The following SCGN variants were observed in gnomAD, a reference collection of about 807,000 sequenced individuals.
The protein encoded by SCGN is secretagogin.
SCGN carries 30 observed loss-of-function variants against 39.7 expected under a neutral mutation model. The observed-to-expected ratio is 0.76, with a 90% CI of 0.57 to 1.03. The LOEUF (loss-of-function observed/expected upper bound fraction) is 1.03. SCGN is among the 50% of genes least tolerant of loss of function. The pLI is 0.00. For synonymous variants in SCGN, 106 were observed against 114.1 expected (o/e 0.93, Z 0.45); for missense variants, 353 against 349.4 (o/e 1.01, Z -0.08).
In SCGN at chr6:25,689,541, G is replaced by T; in HGVS notation, c.633+9G>T. 6.2e-7 allele frequency: 1 copy of T among 1,612,322 alleles called. No individual in the cohort carries two copies. The highest frequency in any genetic ancestry group is 8.5e-7 in the Non-Finnish European group (1 of 1,178,434). On this transcript the variant is annotated intron_variant, in intron 9 of 10. Transcript: ENST00000377961. ...TTGCCTACTATGATGTTGTAAGTGT[G>T]CGTCTTTATACTGTGCTGGCCATCT...
intron 2 of SCGN, 96 bp from the exon 3 acceptor site, chr6:25,661,456 C>A: frequency 2.3e-6 from 2 of 854,518 alleles, no homozygotes; most frequent in Non-Finnish European, 3.8e-6. Flanking sequence ...GTTTGAAAAA[C>A]ATAATTTTCA....
chr6:25,657,211 A>C (rs1276944097), intron 2 of SCGN, among the ~76,000 whole-genome samples: 1 of 152,174 alleles, frequency 6.6e-6, no homozygotes, highest in Non-Finnish European at 1.5e-5. Context: ...TTCACCTTCC[A>C]CAGAGAATAA....
At chr6:25,675,489 T>C (rs970305565) in intron 6 of SCGN, among the ~76,000 whole-genome samples, 2 of 152,248 alleles carry the variant, frequency 1.3e-5, no homozygotes, top group South Asian at 4.1e-4. Flanking sequence ...CCCACTCCCT[T>C]TTGTAAAGTG....
At chr6:25,694,844 C>A (rs1759819589) in intron 10 of SCGN, among the ~76,000 whole-genome samples, 2 of 152,110 alleles carry the variant, frequency 1.3e-5, no homozygotes. Context: ...GCTTTATAAA[C>A]AGAGTCTTTC....
intron 2 of SCGN, among the ~76,000 whole-genome samples, chr6:25,660,174 C>A (rs939033054): frequency 6.6e-6 from 1 of 152,186 alleles, no homozygotes; most frequent in Non-Finnish European, 1.5e-5. Context: ...GCTTAGTGCC[C>A]ATCCTCTGGC....
chr6:25,694,711 A>C (rs1759817626), intron 10 of SCGN, among the ~76,000 whole-genome samples: 2 of 152,380 alleles, frequency 1.3e-5, no homozygotes, highest in South Asian at 4.1e-4. Flanking sequence ...GCATACGTTT[A>C]CTGTGCCTTT....
intron 9 of SCGN, 52 bp from the exon 10 acceptor site, chr6:25,691,004 C>T: frequency 3.5e-6 from 5 of 1,438,112 alleles, no homozygotes; most frequent in Non-Finnish European, 4.9e-6. Flanking sequence ...TATTGCCTTG[C>T]TTTTTGGCTT....
chr6:25,663,450 G>A (rs1760374629), intron 3 of SCGN, among the ~76,000 whole-genome samples: 1 of 152,122 alleles, frequency 6.6e-6, no homozygotes, highest in Non-Finnish European at 1.5e-5. Context: ...TACCAACATG[G>A]CAGTTATCAT....
intron 6 of SCGN, among the ~76,000 whole-genome samples, chr6:25,678,032 C>T (rs1287369528): frequency 1.3e-5 from 2 of 152,196 alleles, no homozygotes; most frequent in African/African-American, 4.8e-5. Flanking sequence ...TTCTGAAAAA[C>T]TCCAAAGTCC....
intron 10 of SCGN, among the ~76,000 whole-genome samples, chr6:25,698,358 A>G (rs1037399893): frequency 6.6e-6 from 1 of 152,210 alleles, no homozygotes; most frequent in African/African-American, 2.4e-5. Flanking sequence ...CAATTAGAAA[A>G]CAAAACAAAA....
intron 4 of SCGN, among the ~76,000 whole-genome samples, chr6:25,667,237 A>G (rs1210184618): frequency 6.6e-6 from 1 of 152,174 alleles, no homozygotes; most frequent in Non-Finnish European, 1.5e-5. Flanking sequence ...TGGGAAAATC[A>G]CATGGCCCTA....
chr6:25,695,963 T>C (rs62393720), intron 10 of SCGN, among the ~76,000 whole-genome samples: 15,610 of 152,230 alleles, frequency 0.1, 897 homozygotes, highest in Middle Eastern at 0.16. Context: ...ATATGAACAC[T>C]AACATCGGAA....
At chr6:25,669,215 C>CT (rs1300106103) in intron 4 of SCGN, among the ~76,000 whole-genome samples, 1 of 152,046 alleles carries the variant, frequency 6.6e-6, no homozygotes, top group Non-Finnish European at 1.5e-5. Context: ...AAGTTCATCC[C>CT]TTTTTATATT....
chr6:25,652,367 C>T lies in SCGN; in HGVS notation c.-37C>T, dbSNP rs1760148911. On this transcript the variant is annotated 5_prime_UTR_variant, in exon 1 of 11. Coordinates refer to ENST00000377961, the MANE Select transcript of SCGN (RefSeq NM_006998.4). ...GAGTCCTTCCCAAAGTTGTCTAGGTCCTTCCGCGCCGGTGCCTGGTCTTCG... is the reference window on the plus strand; with the variant it reads ...GAGTCCTTCCCAAAGTTGTCTAGGTTCTTCCGCGCCGGTGCCTGGTCTTCG... The T allele has an allele frequency of 6.3e-7, 1 of 1,582,722 alleles. No individual in the cohort carries two copies. Among genetic ancestry groups the T allele is most frequent in the Admixed American group, 1.7e-5 (1 of 59,888 alleles).
At chr6:25,672,491 C>T (rs1214186542) in intron 6 of SCGN, among the ~76,000 whole-genome samples, 1 of 152,086 alleles carries the variant, frequency 6.6e-6, no homozygotes, top group Non-Finnish European at 1.5e-5. Context: ...GTCAGGGTGG[C>T]CCCTCTGAGA....
chr6:25,664,961 T>C lies in SCGN; in HGVS notation c.265T>C (p.Ser89Pro), dbSNP rs1239478313. The C allele has an allele frequency of 6.2e-7, 1 of 1,613,906 alleles. No individual in the cohort carries two copies. The highest frequency in any genetic ancestry group is 1.3e-5 in the African/African-American group (1 of 75,028). ...RMKELAGMFL[S>P]EDENFLLLFR... ...CCTTCAGCTTGCTGGTATGTTCTTA[T>C]CTGAGGATGAAAACTTTCTTCTGCT... Residue 89 changes from serine (S) to proline (P), a missense_variant, in exon 4 of 11, where the codon TCT becomes CCT. Coordinates refer to ENST00000377961, the MANE Select transcript of SCGN (RefSeq NM_006998.4).
chr6:25,655,027 A>G (rs1331068126), intron 2 of SCGN, among the ~76,000 whole-genome samples: 1 of 152,208 alleles, frequency 6.6e-6, no homozygotes, highest in Non-Finnish European at 1.5e-5. Context: ...CTAGCAGCCC[A>G]TGGTGAAGCC....
intron 6 of SCGN, among the ~76,000 whole-genome samples, chr6:25,671,237 A>G (rs1018496246): frequency 1.3e-5 from 2 of 152,220 alleles, no homozygotes; most frequent in African/African-American, 4.8e-5. Flanking sequence ...CTGATGACTA[A>G]GGCTTAGAAA....
chr6:25,701,226 A>G lies in SCGN; in HGVS notation c.722A>G (p.Asp241Gly), dbSNP rs1582593313. ...ELVQPSISGVDLDKFREILLR... is the reference protein window; with the variant it reads ...ELVQPSISGVGLDKFREILLR... ...CCTCAGCCCAGCATCAGCGGGGTGG[A>G]CCTTGATAAGTTCCGCGAGATTCTC... The change falls in exon 11 of 11, where the codon GAC becomes GGC. Residue 241 changes from aspartate to glycine, a missense_variant. Coordinates refer to ENST00000377961, the MANE Select transcript of SCGN (RefSeq NM_006998.4). 1 of 1,612,774 alleles carries G rather than the reference A, an allele frequency of 6.2e-7. No homozygotes were observed. The highest frequency in any genetic ancestry group is 1.1e-5 in the South Asian group (1 of 90,694).
Sources: allele counts gnomAD v4.1 joint callset (sites outside exome capture counted in the v4.1 genomes callset), GRCh38; gene constraint gnomAD v4.1.1; transcripts MANE v1.5; gene names NCBI Gene and HGNC (gene_info 2026-07-23, HGNC 2026-07-21).